ABCB7: variants seen among roughly 807,000 people sequenced by gnomAD.
The protein encoded by ABCB7 is iron-sulfur clusters transporter ABCB7, mitochondrial.
A neutral mutation model predicts 54.4 loss-of-function variants in ABCB7; 7 were observed. That is an observed-to-expected ratio of 0.13 (90% CI 0.07 to 0.24). The LOEUF (loss-of-function observed/expected upper bound fraction) is 0.24, where lower values mean the gene tolerates loss of function less well. ABCB7 is among the 10% of genes least tolerant of loss of function. The pLI is 1.00. For missense variants in ABCB7, 356 were observed against 570.4 expected (o/e 0.62, Z 3.83); for synonymous variants, 218 against 207.1 (o/e 1.05, Z -0.45).
intron 13 of ABCB7, among the ~76,000 whole-genome samples, chrX:75,063,856 T>C (rs777036204): frequency 8.9e-6 from 1 of 112,050 alleles, no homozygotes; most frequent in South Asian, 3.7e-4. Flanking sequence ...TCTTTAGCTA[T>C]TCCTATCCCT....
intron 1 of ABCB7, among the ~76,000 whole-genome samples, chrX:75,128,376 T>C (rs1002996558): frequency 1.2e-4 from 13 of 111,373 alleles, no homozygotes; most frequent in Admixed American, 2.8e-4. Context: ...CAAATGGTGT[T>C]GGAAAAACTG....
chrX:75,062,296 T>C (rs770956029), intron 14 of ABCB7, 32 bp downstream of exon 14: 9 of 1,131,814 alleles, frequency 8.0e-6, no homozygotes, highest in Middle Eastern at 2.4e-4. Context: ...AAGTTAAACA[T>C]TGAAGAGCTT....
chrX:75,095,069 C>T (rs1188495306), intron 4 of ABCB7, among the ~76,000 whole-genome samples: 3 of 110,232 alleles, frequency 2.7e-5, no homozygotes, highest in Non-Finnish European at 5.7e-5. Context: ...ATCAAAAGAG[C>T]ATTAAAAAGT....
rs72630730 is a variant in ABCB7 at position 75,086,799 on chromosome X, T to C, written c.454-10145A>G. Reference sequence around the variant, plus strand: ...ACGAGGCCCCACTAAACAAACAGGATCTGAGAAAAACAGAATGCAGCAAAG... The same window carrying C: ...ACGAGGCCCCACTAAACAAACAGGACCTGAGAAAAACAGAATGCAGCAAAG... On this transcript the variant is annotated intron_variant, in intron 4 of 15. Coordinates refer to ENST00000373394, the MANE Select transcript of ABCB7 (RefSeq NM_001271696.3). Among the ~76,000 whole-genome samples the C allele has an allele frequency of 2.0e-4, 22 of 111,323 alleles. 1 individual carries two copies. The East Asian group carries it at 5.4e-3, about 27-fold the overall frequency.
At chrX:75,114,637 T>C in intron 2 of ABCB7, 117 bp downstream of exon 2, 2 of 558,698 alleles carry the variant, frequency 3.6e-6, no homozygotes, top group Admixed American at 3.0e-5. Flanking sequence ...ATTCATCTTG[T>C]CAGCATTTAG....
intron 4 of ABCB7, among the ~76,000 whole-genome samples, chrX:75,077,204 T>C (rs1217315200): frequency 3.6e-5 from 4 of 112,155 alleles, no homozygotes; most frequent in Admixed American, 9.5e-5. Context: ...ATTACAAGTA[T>C]ATGTTGGCTG....
At chrX:75,112,077 T>C (rs757665618) in intron 3 of ABCB7, among the ~76,000 whole-genome samples, 1 of 112,142 alleles carries the variant, frequency 8.9e-6, no homozygotes, top group African/African-American at 3.2e-5. Flanking sequence ...AGAACTGTAC[T>C]AGGAATCAAA....
At chrX:75,071,357 G>T in intron 9 of ABCB7, 152 bp downstream of exon 9, 1 of 618,646 alleles carries the variant, frequency 1.6e-6, no homozygotes, top group Non-Finnish European at 2.6e-6. Flanking sequence ...AAACCATCAA[G>T]TAAATACATT....
intron 10 of ABCB7, 34 bp downstream of exon 10, chrX:75,070,331 A>T (rs374083743): frequency 8.5e-7 from 1 of 1,171,048 alleles, no homozygotes; most frequent in East Asian, 3.0e-5. Context: ...TGATGTTCAC[A>T]TACTTTTGAA....
intron 1 of ABCB7, among the ~76,000 whole-genome samples, chrX:75,122,456 C>A (rs956832212): frequency 5.3e-5 from 6 of 112,607 alleles, no homozygotes; most frequent in African/African-American, 1.9e-4. Context: ...TATGGAATAG[C>A]CATTCTGCAA....
chrX:75,086,016 T>C (rs2147485542), intron 4 of ABCB7, among the ~76,000 whole-genome samples: 1 of 109,404 alleles, frequency 9.1e-6, no homozygotes, highest in East Asian at 2.9e-4. Flanking sequence ...CCAGCTAATT[T>C]TTGTATTTTT....
chrX:75,062,499 T>C (rs891819359), intron 13 of ABCB7, 68 bp from the exon 14 acceptor site: 5 of 804,781 alleles, frequency 6.2e-6, no homozygotes, highest in Admixed American at 4.7e-5. Flanking sequence ...AGTGTTTCCA[T>C]TGATTACAAC....
intron 4 of ABCB7, among the ~76,000 whole-genome samples, chrX:75,096,888 T>G (rs1357105425): frequency 9.0e-6 from 1 of 110,979 alleles, no homozygotes; most frequent in Non-Finnish European, 1.9e-5. Context: ...TGTTGCAATT[T>G]CTACTACTAT....
intron 4 of ABCB7, among the ~76,000 whole-genome samples, chrX:75,095,953 T>C (rs1009189347): frequency 9.8e-5 from 11 of 111,986 alleles, no homozygotes; most frequent in African/African-American, 3.6e-4. Context: ...ACTCTAAAAA[T>C]AAATTCTAAT....
intron 15 of ABCB7, among the ~76,000 whole-genome samples, chrX:75,054,154 AATTT>A (rs2081217060): frequency 8.9e-6 from 1 of 112,184 alleles, no homozygotes. Flanking sequence ...ATCTACAATT[AATTT>A]GTTTCTTGAT....
chrX:75,061,458 G>C (rs2081281664), intron 14 of ABCB7, among the ~76,000 whole-genome samples: 1 of 111,160 alleles, frequency 9.0e-6, no homozygotes. Context: ...CCTGCTTATG[G>C]GTCACTTTAA....
At chrX:75,055,617 C>T (rs774517770) in intron 15 of ABCB7, among the ~76,000 whole-genome samples, 120 of 99,301 alleles carry the variant, frequency 1.2e-3, no homozygotes, top group African/African-American at 4.0e-3. Context: ...AACAGTGATA[C>T]GATATTCTTA....
chrX:75,087,661 G>A lies in ABCB7; in HGVS notation c.454-11007C>T, dbSNP rs1025478986. Among the ~76,000 whole-genome samples, 37 of 111,425 alleles carry A rather than the reference G, an allele frequency of 3.3e-4. No homozygotes were observed. The Admixed American group carries it at 3.3e-3, about 10-fold the overall frequency. On this transcript the variant is annotated intron_variant, in intron 4 of 15. Coordinates refer to ENST00000373394, the MANE Select transcript of ABCB7 (RefSeq NM_001271696.3). ...ACTAATCTATATGAATAACAGACAC[G>A]CAGAAGACTCCATATGCAAGACTTT...
chrX:75,155,749 A>G (rs1458263198), intron 1 of ABCB7, among the ~76,000 whole-genome samples: 2 of 111,397 alleles, frequency 1.8e-5, no homozygotes, highest in Admixed American at 9.5e-5. Flanking sequence ...CCCAAATTCC[A>G]TTACTAATTG....
Sources: allele counts gnomAD v4.1 joint callset (sites outside exome capture counted in the v4.1 genomes callset), GRCh38; gene constraint gnomAD v4.1.1; transcripts MANE v1.5; gene names NCBI Gene and HGNC (gene_info 2026-07-23, HGNC 2026-07-21).